The following CENPF variants were observed in gnomAD, a reference collection of about 807,000 sequenced individuals.
CENPF encodes AH antigen.
CENPF carries 214 observed loss-of-function variants against 307.3 expected under a neutral mutation model. The ratio of observed to expected loss-of-function variants is 0.70; its 90% CI spans 0.62 to 0.78. The LOEUF is 0.78. Among genes scored for constraint, CENPF ranks in the 30% least tolerant of loss-of-function variants. CENPF has a pLI of 0.00. For synonymous variants in CENPF, 1,259 were observed against 1,270.6 expected (o/e 0.99, Z 0.19); for missense variants, 3,401 against 3,483.9 (o/e 0.98, Z 0.60).
At chr1:214,656,843 GAAC>G (rs1425058511) in intron 17 of CENPF, 87 bp from the exon 18 acceptor site, 1 of 874,336 alleles carries the variant, frequency 1.1e-6, no homozygotes, top group African/African-American at 1.7e-5. Flanking sequence ...ATCAAAGAAA[GAAC>G]ACGTCTAAGA....
At chr1:214,654,056 T>G (rs1436955569) in intron 16 of CENPF, 2 of 152,262 alleles carry the variant, frequency 1.3e-5, no homozygotes, top group African/African-American at 4.8e-5. Context: ...TGTGTTCTTC[T>G]CCGTCCCCCA....
intron 7 of CENPF, among the ~76,000 whole-genome samples, chr1:214,628,752 C>T (rs1319989377): frequency 6.6e-6 from 1 of 152,182 alleles, no homozygotes; most frequent in African/African-American, 2.4e-5. Context: ...GTAATGGGCA[C>T]CCTCTGATGA....
At position 214,607,419 on chromosome 1, in the gene CENPF, G is replaced by A. The variant is rs574040233; in HGVS notation, c.-42+4098G>A. 1.1e-4 allele frequency among the ~76,000 whole-genome samples: 16 copies of A among 152,288 alleles called. No homozygotes were observed. The East Asian group carries it at 2.1e-3, about 20-fold the overall frequency. On this transcript the variant is annotated intron_variant, in intron 1 of 19. Coordinates refer to ENST00000366955, the MANE Select transcript of CENPF (RefSeq NM_016343.4). ...AGAGACAGGAGGGGCCGAGGAAGTC[G>A]CATGAAGTGGTTGGTGTCAGCGCCC...
chr1:214,606,825 G>A (rs1020727611), intron 1 of CENPF, among the ~76,000 whole-genome samples: 2 of 152,098 alleles, frequency 1.3e-5, no homozygotes, highest in African/African-American at 2.4e-5. Flanking sequence ...AGGCCTCCTC[G>A]TGCCCAGTCC....
chr1:214,628,944 TG>T (rs1657730821), intron 7 of CENPF, 101 bp from the exon 8 acceptor site: 1 of 807,392 alleles, frequency 1.2e-6, no homozygotes, highest in African/African-American at 1.8e-5. Context: ...AAACATAAAT[TG>T]TGTGCTAAAA....
rs1658271938 is a variant in CENPF at position 214,645,622 on chromosome 1, A to G, written c.6052A>G (p.Thr2018Ala). Residue 2018 changes from threonine (T) to alanine (A), a missense_variant, in exon 13 of 20, where the codon ACT (threonine) becomes GCT (alanine). By Grantham distance (58) the Thr-to-Ala change is moderately conservative. Transcript: ENST00000366955. The part of the protein sequence containing the change: ...EVKEKTELLQ[T>A]LSSDVSELLK... ...GAAGGAAAAGACGGAACTCCTTCAG[A>G]CTTTGTCCTCTGATGTGAGTGAGCT... The G allele has an allele frequency of 6.2e-7, 1 of 1,614,072 alleles. No individual in the cohort carries two copies. Among genetic ancestry groups the G allele is most frequent in the South Asian group, 1.1e-5 (1 of 91,088 alleles).
At chr1:214,606,117 C>T (rs1249148739) in intron 1 of CENPF, 7 of 1,552,956 alleles carry the variant, frequency 4.5e-6, no homozygotes, top group East Asian at 2.3e-5. Context: ...CGGCCTCCGA[C>T]GCGCGCGCAC....
intron 8 of CENPF, 142 bp from the exon 9 acceptor site, chr1:214,630,392 C>A (rs1166561705): frequency 2.1e-6 from 2 of 972,040 alleles, no homozygotes; most frequent in Non-Finnish European, 3.1e-6. Flanking sequence ...TGACTATGTT[C>A]ATCGTTAAGT....
intron 10 of CENPF, among the ~76,000 whole-genome samples, chr1:214,634,788 A>T (rs912016571): frequency 6.6e-6 from 1 of 152,086 alleles, no homozygotes; most frequent in Admixed American, 6.6e-5. Flanking sequence ...TTACTGTGTC[A>T]CTCTGGGTAT....
intron 1 of CENPF, chr1:214,605,457 A>C: frequency 4.7e-6 from 2 of 425,002 alleles, no homozygotes; most frequent in Non-Finnish European, 4.2e-6. Context: ...TTTTTTTTTT[A>C]AATTTTAAAT....
rs1179435057 is a variant in CENPF at position 214,645,979 on chromosome 1, C to T, written c.6409C>T (p.His2137Tyr). Reference sequence around the variant, plus strand: ...TGAGGCCGATGAAAAGAAGCAGCTGCACATCGCAGAGAAACTGAAAGAACG... The same window carrying T: ...TGAGGCCGATGAAAAGAAGCAGCTGTACATCGCAGAGAAACTGAAAGAACG... The part of the protein sequence containing the change: ...RIEADEKKQL[H>Y]IAEKLKERER... Residue 2137 changes from histidine (H) to tyrosine (Y), a missense_variant, in exon 13 of 20, where the codon CAC becomes TAC. Coordinates refer to ENST00000366955, the MANE Select transcript of CENPF (RefSeq NM_016343.4). The T allele has an allele frequency of 6.2e-7, 1 of 1,613,946 alleles. No homozygotes were observed. The highest frequency in any genetic ancestry group is 8.5e-7 in the Non-Finnish European group (1 of 1,180,046).
chr1:214,637,734 C>A, intron 10 of CENPF, 132 bp from the exon 11 acceptor site: 1 of 850,196 alleles, frequency 1.2e-6, no homozygotes, highest in Non-Finnish European at 1.8e-6. Context: ...ATTAGGTACT[C>A]AAACGGGGAA....
intron 1 of CENPF, 73 bp from the exon 2 acceptor site, chr1:214,613,641 A>G: frequency 9.0e-7 from 1 of 1,114,588 alleles, no homozygotes; most frequent in Non-Finnish European, 1.3e-6. Context: ...GGGTGGTTAG[A>G]TAGATTCATT....
intron 3 of CENPF, among the ~76,000 whole-genome samples, chr1:214,616,872 T>C: frequency 1.0e-5 from 1 of 96,580 alleles, no homozygotes; most frequent in African/African-American, 4.2e-5. Flanking sequence ...TTTCTTTCTT[T>C]CTTTCTTTCT....
intron 3 of CENPF, among the ~76,000 whole-genome samples, chr1:214,618,275 A>G (rs541081513): frequency 1.1e-3 from 164 of 152,320 alleles, no homozygotes; most frequent in Non-Finnish European, 1.4e-3. Flanking sequence ...CAGCCAAACC[A>G]TATCACTGTC....
At chr1:214,654,408 T>TAAA in intron 16 of CENPF, 1 of 142,220 alleles carries the variant, frequency 7.0e-6, no homozygotes, top group Non-Finnish European at 1.5e-5. Context: ...CCTCATCTCT[T>TAAA]AAAAAAAAAA....
chr1:214,616,762 G>T (rs531531204), intron 3 of CENPF, among the ~76,000 whole-genome samples: 40 of 151,468 alleles, frequency 2.6e-4, no homozygotes, highest in Non-Finnish European at 5.3e-4. Flanking sequence ...ATTAAATTTG[G>T]AGCTAAATGG....
chr1:214,660,346 C>T (rs1203522031), intron 19 of CENPF, among the ~76,000 whole-genome samples: 1 of 152,166 alleles, frequency 6.6e-6, no homozygotes, highest in Non-Finnish European at 1.5e-5. Context: ...TTTTTCTCCC[C>T]TCCCCTACCA....
rs140660859 is a variant in CENPF at position 214,627,289 on chromosome 1, G to C, written c.1069-1757G>C. 1.4e-3 allele frequency among the ~76,000 whole-genome samples: 208 copies of C among 151,626 alleles called. 2 individuals carry two copies. Among genetic ancestry groups the C allele is most frequent in the African/African-American group, 4.9e-3 (201 of 41,282 alleles). On this transcript the variant is annotated intron_variant, in intron 7 of 19. Coordinates refer to ENST00000366955, the MANE Select transcript of CENPF (RefSeq NM_016343.4). ...GCCCAAGTTGGTATTGAACTCCTAG[G>C]CTCGAGCAGTTTGCCCCCCTCAGTC...
Sources: gnomAD v4.1 joint callset for allele counts (sites outside exome capture counted in the v4.1 genomes callset) on GRCh38, gnomAD v4.1.1 for gene constraint, MANE v1.5 for transcripts, NCBI Gene and HGNC (gene_info 2026-07-23, HGNC 2026-07-21) for gene names.